The following RYR2 variants were observed in gnomAD, a reference collection of about 807,000 sequenced individuals.
RYR2 encodes the protein cardiac muscle ryanodine receptor-calcium release channel.
RYR2 carries 227 observed loss-of-function variants against 601.1 expected under a neutral mutation model. That is an observed-to-expected ratio of 0.38 (90% confidence interval 0.34 to 0.42). The LOEUF is 0.42. RYR2 is among the 10% of genes least tolerant of loss of function. RYR2 has a pLI of 1.00. For missense variants in RYR2, 4,646 were observed against 6,156.5 expected, an observed-to-expected ratio of 0.75 and a Z score of 8.21; for synonymous variants, 2,223 against 2,175.1, an observed-to-expected ratio of 1.02 and a Z score of -0.61.
At chr1:237,369,503 CTTG>C (rs1210687964) in intron 5 of RYR2, 28 bp from the exon 6 acceptor site, 1 of 1,537,904 alleles carries the variant, frequency 6.5e-7, no homozygotes, top group Non-Finnish European at 8.8e-7. Context: ...GTTTTTCTCT[CTTG>C]TTCTCCTTTT....
chr1:237,368,787 C>T (rs1204364401), intron 5 of RYR2, among the ~76,000 whole-genome samples: 1 of 151,150 alleles, frequency 6.6e-6, no homozygotes, highest in Non-Finnish European at 1.5e-5. Context: ...AATACTCATT[C>T]GTTGAATCAA....
chr1:237,579,992 C>T (rs1208391304), intron 29 of RYR2, among the ~76,000 whole-genome samples: 1 of 143,192 alleles, frequency 7.0e-6, no homozygotes, highest in Non-Finnish European at 1.5e-5. Flanking sequence ...ATATTGACGG[C>T]ATAGGGAAAA....
chr1:237,241,853 A>G (rs906268514), intron 1 of RYR2, among the ~76,000 whole-genome samples: 2 of 152,134 alleles, frequency 1.3e-5, no homozygotes, highest in African/African-American at 4.8e-5. Context: ...ATGCTGATGC[A>G]TTGTAACTAC....
chr1:237,115,911 C>T (rs1012346949), intron 1 of RYR2, among the ~76,000 whole-genome samples: 5 of 152,040 alleles, frequency 3.3e-5, no homozygotes, highest in African/African-American at 9.7e-5. Flanking sequence ...TGTTTAATTC[C>T]TTACTCTGAA....
At chr1:237,572,440 C>T (rs1476601499) in intron 29 of RYR2, among the ~76,000 whole-genome samples, 1 of 152,098 alleles carries the variant, frequency 6.6e-6, no homozygotes, top group African/African-American at 2.4e-5. Context: ...TTCATGGTAC[C>T]ACACAGTCAC....
intron 98 of RYR2, among the ~76,000 whole-genome samples, chr1:237,805,883 A>AT (rs1158378588): frequency 6.6e-6 from 1 of 151,964 alleles, no homozygotes; most frequent in East Asian, 1.9e-4. Flanking sequence ...CCCAGAACTT[A>AT]TTTTTTCTAT....
At chr1:237,053,272 T>C (rs886276886) in intron 1 of RYR2, among the ~76,000 whole-genome samples, 2 of 152,208 alleles carry the variant, frequency 1.3e-5, no homozygotes, top group African/African-American at 4.8e-5. Flanking sequence ...TCCTGGCTTG[T>C]AGGTTCGACG....
chr1:237,328,987 G>C (rs541536697), intron 2 of RYR2, among the ~76,000 whole-genome samples: 1 of 152,034 alleles, frequency 6.6e-6, no homozygotes, highest in Non-Finnish European at 1.5e-5. Context: ...GCTTGTACCT[G>C]GTTGGACTGC....
chr1:237,299,775 A>T (rs1467613509), intron 2 of RYR2, among the ~76,000 whole-genome samples: 1 of 152,210 alleles, frequency 6.6e-6, no homozygotes, highest in African/African-American at 2.4e-5. Flanking sequence ...TGGTGCTGTT[A>T]TACTCCGAAC....
At chr1:237,766,885 G>A (rs975948892) in intron 84 of RYR2, among the ~76,000 whole-genome samples, 3 of 152,118 alleles carry the variant, frequency 2.0e-5, no homozygotes, top group Non-Finnish European at 2.9e-5. Context: ...TGTATACAAC[G>A]CTGTCAGACT....
chr1:237,757,347 T>TA (rs1485786918), intron 81 of RYR2, among the ~76,000 whole-genome samples: 3 of 152,324 alleles, frequency 2.0e-5, no homozygotes, highest in African/African-American at 7.2e-5. Context: ...AAGAAACTTT[T>TA]AAGTAGCTCA....
chr1:237,199,020 C>T (rs934392637), intron 1 of RYR2, among the ~76,000 whole-genome samples: 2 of 152,028 alleles, frequency 1.3e-5, no homozygotes, highest in South Asian at 4.2e-4. Flanking sequence ...CTGGTTAATC[C>T]GGTTATGATC....
intron 3 of RYR2, among the ~76,000 whole-genome samples, chr1:237,347,411 A>T (rs1426514113): frequency 3.9e-5 from 6 of 152,222 alleles, no homozygotes; most frequent in Admixed American, 3.3e-4. Flanking sequence ...TTCCCTTTCT[A>T]CTTTCGGGAT....
At chr1:237,432,243 G>T (rs2150104271) in intron 12 of RYR2, among the ~76,000 whole-genome samples, 1 of 151,884 alleles carries the variant, frequency 6.6e-6, no homozygotes, top group South Asian at 2.1e-4. Context: ...TTAATCTCGA[G>T]TGTACTTCAG....
At chr1:237,301,938 T>G (rs1036930083) in intron 2 of RYR2, among the ~76,000 whole-genome samples, 4 of 152,176 alleles carry the variant, frequency 2.6e-5, no homozygotes, top group Admixed American at 6.5e-5. Context: ...TTAAGGCCCA[T>G]TGATCTAAAG....
At chr1:237,813,384 A>C (rs1173422995) in intron 100 of RYR2, among the ~76,000 whole-genome samples, 1 of 152,168 alleles carries the variant, frequency 6.6e-6, no homozygotes, top group Non-Finnish European at 1.5e-5. Flanking sequence ...GAAAAATAGG[A>C]ATGATTTCAG....
At chr1:237,648,730 G>A (rs1432400615) in intron 49 of RYR2, 117 bp downstream of exon 49, 2 of 1,199,130 alleles carry the variant, frequency 1.7e-6, no homozygotes, top group Non-Finnish European at 2.3e-6. Flanking sequence ...TTGAGTACCT[G>A]TTATATTTTC....
At chr1:237,648,968 A>G (rs922589317) in intron 49 of RYR2, among the ~76,000 whole-genome samples, 7 of 152,210 alleles carry the variant, frequency 4.6e-5, no homozygotes, top group African/African-American at 1.2e-4. Context: ...GGCCTAAACA[A>G]TTATGCTTCT....
At chr1:237,188,055 A>G (rs1003599665) in intron 1 of RYR2, among the ~76,000 whole-genome samples, 62 of 152,120 alleles carry the variant, frequency 4.1e-4, no homozygotes, top group African/African-American at 1.4e-3. Context: ...CAGAATTGTC[A>G]TCATCCCCAG....
Sources: allele counts gnomAD v4.1 joint callset (sites outside exome capture counted in the v4.1 genomes callset), GRCh38; gene constraint gnomAD v4.1.1; transcripts MANE v1.5; gene names NCBI Gene and HGNC (gene_info 2026-07-23, HGNC 2026-07-21).